The following RAB21 variants were observed in gnomAD, a reference collection of about 807,000 sequenced individuals.
RAB21 encodes the protein ras-related protein Rab-21.
Under a neutral mutation model 33.1 loss-of-function variants are expected in RAB21, and 13 were observed. The ratio of observed to expected loss-of-function variants is 0.39; its 90% confidence interval spans 0.26 to 0.62. RAB21 has a LOEUF of 0.62. Ranked by LOEUF, RAB21 falls within the 20% of genes least tolerant of loss-of-function variation. RAB21 has a pLI of 0.48. For missense variants in RAB21, 234 were observed against 279.1 expected (o/e 0.84, Z 1.15); for synonymous variants, 91 against 103.7 (o/e 0.88, Z 0.74).
At chr12:71,760,415 G>A (rs186821212) in intron 1 of RAB21, among the ~76,000 whole-genome samples, 53 of 152,256 alleles carry the variant, frequency 3.5e-4, no homozygotes, top group Non-Finnish European at 6.9e-4. Flanking sequence ...TCGCTGATTT[G>A]AGGCTTTGAT....
chr12:71,799,346 T>C lies in RAB21; in HGVS notation c.*13673T>C, dbSNP rs930849454. ...GTAACTTTATAAGCACCAAATTCCA[T>C]TTAAAAAGTGCCTTCCTGTTTAAAA... On this transcript the variant is annotated 3_prime_UTR_variant, in exon 7 of 7. Coordinates refer to ENST00000261263, the MANE Select transcript of RAB21 (RefSeq NM_014999.4). 1.3e-5 allele frequency: 2 copies of C among 152,220 alleles called. No individual in the cohort carries two copies. The highest frequency in any genetic ancestry group is 4.8e-5 in the African/African-American group (2 of 41,454). The allele number at this position is 152,220 out of a possible 1,614,324, so 9.4% of individuals were successfully genotyped here. A position where few individuals can be genotyped will look rare whatever the true frequency, so the allele number is the denominator to read the frequency against.
rs1295653000 is a variant in RAB21 at position 71,786,557 on chromosome 12, T to C, written c.*884T>C. ...GGTAAAATACATTGTAAATTACATATTAAATATTTTATCTGCTTTTACAAG... is the reference window on the plus strand; with the variant it reads ...GGTAAAATACATTGTAAATTACATACTAAATATTTTATCTGCTTTTACAAG... On this transcript the variant is annotated 3_prime_UTR_variant, in exon 7 of 7. Coordinates refer to ENST00000261263, the MANE Select transcript of RAB21 (RefSeq NM_014999.4). 4 of 152,632 alleles carry C rather than the reference T, an allele frequency of 2.6e-5. No individual in the cohort carries two copies. Among genetic ancestry groups the C allele is most frequent in the African/African-American group, 9.7e-5 (4 of 41,446 alleles). 9.5% of individuals were successfully genotyped at this position (152,632 alleles called of 1,614,324 possible). A position where few individuals can be genotyped will look rare whatever the true frequency, so the allele number is the denominator to read the frequency against.
intron 1 of RAB21, among the ~76,000 whole-genome samples, chr12:71,764,100 G>T (rs1017568535): frequency 6.6e-6 from 1 of 152,044 alleles, no homozygotes; most frequent in Admixed American, 6.6e-5. Context: ...CTTTTGAATT[G>T]GCTATTGTTT....
At chr12:71,766,026 T>A (rs1051817640) in intron 1 of RAB21, among the ~76,000 whole-genome samples, 11 of 152,134 alleles carry the variant, frequency 7.2e-5, no homozygotes, top group African/African-American at 2.7e-4. Flanking sequence ...AAGTTTTTCA[T>A]TATGAAGGAA....
chr12:71,772,033 G>T (rs1883050768), intron 3 of RAB21, among the ~76,000 whole-genome samples: 1 of 151,846 alleles, frequency 6.6e-6, no homozygotes, highest in African/African-American at 2.4e-5. Flanking sequence ...CTACTACTGT[G>T]TAACAAAACC....
At position 71,755,254 on chromosome 12, in the gene RAB21, A is replaced by G. The variant is rs935718619; in HGVS notation, c.125A>G (p.Asn42Ser). The change falls in exon 1 of 7, where the codon AAC (asparagine) becomes AGC (serine). Residue 42 changes from asparagine to serine, a missense_variant. Physicochemically the swap from Asn to Ser is conservative, Grantham distance 46. Coordinates refer to ENST00000261263, the MANE Select transcript of RAB21 (RefSeq NM_014999.4). ...TCGCTGGTGCTGCGCTACTGCGAGA[A>G]CAAGTTTAACGACAAGCACATCACC... ...KTSLVLRYCE[N>S]KFNDKHITTL... 10 of 1,544,518 alleles carry G rather than the reference A, an allele frequency of 6.5e-6. No homozygotes were observed. The highest frequency in any genetic ancestry group is 2.8e-5 in the African/African-American group (2 of 70,408).
In RAB21 at chr12:71,790,593, T is replaced by C. The variant is rs879481877; in HGVS notation, c.*4920T>C. The C allele has an allele frequency of 6.6e-6, 1 of 152,140 alleles. No homozygotes were observed. The highest frequency in any genetic ancestry group is 1.5e-5 in the Non-Finnish European group (1 of 68,010). 9.4% of individuals were successfully genotyped at this position (152,140 alleles called of 1,614,324 possible). A position where few individuals can be genotyped will look rare whatever the true frequency, so the allele number is the denominator to read the frequency against. ...TTCTAGGAAAAGAATAAAAAACATA[T>C]ATTGTCAAAGTGCCCTTTGGTAGTG... is the stretch of plus-strand genomic sequence containing the variant. On this transcript the variant is annotated 3_prime_UTR_variant, in exon 7 of 7. Transcript: ENST00000261263.
At chr12:71,779,335 C>T (rs1883164517) in intron 4 of RAB21, among the ~76,000 whole-genome samples, 1 of 152,072 alleles carries the variant, frequency 6.6e-6, no homozygotes, top group African/African-American at 2.4e-5. Context: ...TGGTGTGTGC[C>T]TGTAGTCCCA....
In RAB21 at chr12:71,791,502, AAG is replaced by A. The variant is rs1234483197; in HGVS notation, c.*5832_*5833del. 1.3e-5 allele frequency: 2 copies of A among 152,190 alleles called. No individual in the cohort carries two copies. The highest frequency in any genetic ancestry group is 4.8e-5 in the African/African-American group (2 of 41,442). 9.4% of individuals were successfully genotyped at this position (152,190 alleles called of 1,614,324 possible). A position where few individuals can be genotyped will look rare whatever the true frequency, so the allele number is the denominator to read the frequency against. On this transcript the variant is annotated 3_prime_UTR_variant, in exon 7 of 7. Transcript: ENST00000261263. The stretch of plus-strand genomic sequence containing the variant: ...TTTTTTATTGGAGGGAAGAAGGAAA[AAG>A]AGGAAAGGTATAACTGATGGGGAAA...
rs1165459464 is a variant in RAB21, at chr12:71,797,077, C to T, written c.*11404C>T. On this transcript the variant is annotated 3_prime_UTR_variant, in exon 7 of 7. Coordinates refer to ENST00000261263, the MANE Select transcript of RAB21 (RefSeq NM_014999.4). ...TAATGGGGGTTAGTCATAAACCATT[C>T]TATGTGGAGCATTTTACAGGGGCTC... The T allele has an allele frequency of 6.6e-6, 1 of 152,048 alleles. No homozygotes were observed. The highest frequency in any genetic ancestry group is 1.5e-5 in the Non-Finnish European group (1 of 67,984). 9.4% of individuals were successfully genotyped at this position (152,048 alleles called of 1,614,324 possible). A position where few individuals can be genotyped will look rare whatever the true frequency, so the allele number is the denominator to read the frequency against.
chr12:71,784,482 T>C (rs933551562), intron 6 of RAB21, among the ~76,000 whole-genome samples: 2 of 152,124 alleles, frequency 1.3e-5, no homozygotes, highest in Non-Finnish European at 2.9e-5. Flanking sequence ...TCGTTGTTTT[T>C]TGCATAAGAT....
At chr12:71,761,019 A>G (rs969572722) in intron 1 of RAB21, among the ~76,000 whole-genome samples, 7 of 151,652 alleles carry the variant, frequency 4.6e-5, no homozygotes. Context: ...AGCATGGGTA[A>G]TGTAGCAAGA....
At position 71,786,354 on chromosome 12, in the gene RAB21, G is replaced by T. The variant is rs1883292010; in HGVS notation, c.*681G>T. The T allele has an allele frequency of 6.6e-6, 1 of 152,442 alleles. No homozygotes were observed. Among genetic ancestry groups the T allele is most frequent in the Non-Finnish European group, 1.5e-5 (1 of 68,002 alleles). The allele number at this position is 152,442 out of a possible 1,614,324, so 9.4% of individuals were successfully genotyped here. ...AATAACTTATATATGTTGTTGGAAT[G>T]GTTACATTTTTGCAGCCCTTTGTAT... On this transcript the variant is annotated 3_prime_UTR_variant, in exon 7 of 7. Transcript: ENST00000261263.
chr12:71,776,539 A>G (rs186535987), intron 4 of RAB21, among the ~76,000 whole-genome samples: 62 of 152,216 alleles, frequency 4.1e-4, no homozygotes, highest in African/African-American at 1.4e-3. Context: ...GTAGGGTCAA[A>G]TACCCCATTT....
chr12:71,793,811 TTGGGTTC>T lies in RAB21; in HGVS notation c.*8147_*8153del, dbSNP rs1488418369. 1 of 152,162 alleles carries T rather than the reference TTGGGTTC, an allele frequency of 6.6e-6. No homozygotes were observed. The highest frequency in any genetic ancestry group is 1.5e-5 in the Non-Finnish European group (1 of 68,008). The allele number at this position is 152,162 out of a possible 1,614,324, so 9.4% of individuals were successfully genotyped here. On this transcript the variant is annotated 3_prime_UTR_variant, in exon 7 of 7. Transcript: ENST00000261263. ...TGTTAAAGGAAGGAGATGGTAGATT[TTGGGTTC>T]TGGGTTCTAGGTTCTAGGCTAATAA...
chr12:71,784,331 A>G (rs894617333), intron 6 of RAB21, among the ~76,000 whole-genome samples: 10 of 152,032 alleles, frequency 6.6e-5, no homozygotes, highest in African/African-American at 9.7e-5. Context: ...TTTTTCTTTT[A>G]TGATTCATGT....
chr12:71,757,116 G>GT (rs938077201), intron 1 of RAB21, among the ~76,000 whole-genome samples: 1 of 151,688 alleles, frequency 6.6e-6, no homozygotes, highest in Non-Finnish European at 1.5e-5. Context: ...AGGTCTCCAC[G>GT]TTTTTTTTCA....
chr12:71,776,294 G>C (rs888709274), intron 4 of RAB21, among the ~76,000 whole-genome samples: 1 of 152,076 alleles, frequency 6.6e-6, no homozygotes, highest in Non-Finnish European at 1.5e-5. Context: ...ATAGTTTAAA[G>C]TGTGTTTGTT....
Position 71,755,289 on chromosome 12 carries a change from G to T in RAB21, c.159+1G>T. ...CGACAAGCACATCACCACTCTGCAGGTGCGGACCTCGGGGAGCGGGAGGGG... is the reference window on the plus strand; with the variant it reads ...CGACAAGCACATCACCACTCTGCAGTTGCGGACCTCGGGGAGCGGGAGGGG... On this transcript the variant is annotated splice_donor_variant, in intron 1 of 6. Transcript: ENST00000261263. LOFTEE classifies it high-confidence loss of function. 6.6e-7 allele frequency: 1 copy of T among 1,516,986 alleles called. No homozygotes were observed. Among genetic ancestry groups the T allele is most frequent in the Non-Finnish European group, 8.8e-7 (1 of 1,136,516 alleles). The allele number at this position is 1,516,986 out of a possible 1,614,324, so 94.0% of individuals were successfully genotyped here.
Sources: gnomAD v4.1 joint callset for allele counts (sites outside exome capture counted in the v4.1 genomes callset) on GRCh38, gnomAD v4.1.1 for gene constraint, MANE v1.5 for transcripts, NCBI Gene and HGNC (gene_info 2026-07-23, HGNC 2026-07-21) for gene names.